LYPD6: variants seen among roughly 807,000 people sequenced by gnomAD.
LYPD6 encodes the protein LY6/PLAUR domain containing 6, also known as ly6/PLAUR domain-containing protein 6.
In LYPD6, 15 loss-of-function variants were observed where a neutral mutation model predicts 22.7. The ratio of observed to expected loss-of-function variants is 0.66; its 90% CI spans 0.44 to 1.02. The LOEUF is 1.02. LYPD6 is among the 50% of genes least tolerant of loss of function. LYPD6 has a pLI of 0.00. For synonymous variants in LYPD6, 72 were observed against 77.5 expected (o/e 0.93, Z 0.37); for missense variants, 189 against 208.4 (o/e 0.91, Z 0.57).
chr2:149,454,544 T>C (rs1295149784), intron 3 of LYPD6, among the ~76,000 whole-genome samples: 1 of 152,228 alleles, frequency 6.6e-6, no homozygotes, highest in Non-Finnish European at 1.5e-5. Flanking sequence ...CTTAATACTA[T>C]GAACATTCTT....
At chr2:149,435,640 A>G (rs996125508) in intron 1 of LYPD6, among the ~76,000 whole-genome samples, 2 of 152,208 alleles carry the variant, frequency 1.3e-5, no homozygotes, top group Admixed American at 1.3e-4. Flanking sequence ...CTGACTTGCA[A>G]GGGAAAGATA....
At chr2:149,481,978 G>T in the LYPD6 span, among the ~76,000 whole-genome samples, 19 of 152,304 alleles carry the variant, frequency 1.2e-4, no homozygotes, top group African/African-American at 4.3e-4. Context: ...GACCCTGGGA[G>T]CCTGGTTCCC....
At chr2:149,474,495 A>G (rs1256488446), downstream of LYPD6, among the ~76,000 whole-genome samples, 1 of 152,080 alleles carries the variant, frequency 6.6e-6, no homozygotes, top group East Asian at 1.9e-4. Flanking sequence ...GGTGTGAGCC[A>G]CTGCACCCAA....
At chr2:149,450,525 G>A (rs1683782465) in intron 3 of LYPD6, among the ~76,000 whole-genome samples, 1 of 152,174 alleles carries the variant, frequency 6.6e-6, no homozygotes, top group African/African-American at 2.4e-5. Context: ...AGGTAGAGAT[G>A]ATAATAGGGC....
intron 1 of LYPD6, among the ~76,000 whole-genome samples, chr2:149,359,120 A>C (rs1681521889): frequency 1.3e-5 from 2 of 152,194 alleles, no homozygotes; most frequent in South Asian, 4.1e-4. Flanking sequence ...ATTTTAAAGG[A>C]GTGTTTGGGA....
intron 1 of LYPD6, among the ~76,000 whole-genome samples, chr2:149,337,926 C>T (rs985939049): frequency 2.0e-5 from 3 of 152,138 alleles, no homozygotes; most frequent in Admixed American, 2.0e-4. Flanking sequence ...GGATAATGGC[C>T]TCCAGCTTCA....
intron 1 of LYPD6, among the ~76,000 whole-genome samples, chr2:149,366,627 T>C (rs1329145853): frequency 6.6e-6 from 1 of 152,166 alleles, no homozygotes; most frequent in East Asian, 1.9e-4. Flanking sequence ...GAGGAAGGTT[T>C]TCATTCATTT....
rs559514062 is a variant in LYPD6 at position 149,417,278 on chromosome 2, G to A, written c.-71-20360G>A. 7.9e-5 allele frequency among the ~76,000 whole-genome samples: 12 copies of A among 152,304 alleles called. No homozygotes were observed. In the East Asian group the frequency reaches 1.9e-3, roughly 24 times the overall value. ...TTTTATGATTCTCCCACTGGGGCTCGCCATAAGCTCTATACTGCCTTGTAT... is the reference window on the plus strand; with the variant it reads ...TTTTATGATTCTCCCACTGGGGCTCACCATAAGCTCTATACTGCCTTGTAT... On this transcript the variant is annotated intron_variant, in intron 1 of 4. Transcript: ENST00000334166.
At chr2:149,397,776 A>G (rs1573770644) in intron 1 of LYPD6, among the ~76,000 whole-genome samples, 1 of 152,212 alleles carries the variant, frequency 6.6e-6, no homozygotes, top group Admixed American at 6.5e-5. Context: ...GTGTGATGCC[A>G]GTCTAATGAC....
At chr2:149,429,834 C>T (rs1683273672) in intron 1 of LYPD6, among the ~76,000 whole-genome samples, 3 of 152,154 alleles carry the variant, frequency 2.0e-5, no homozygotes, top group African/African-American at 7.2e-5. Context: ...GTCTCAGTAG[C>T]TCCTTGTGGA....
chr2:149,395,987 A>G (rs945118159), intron 1 of LYPD6, among the ~76,000 whole-genome samples: 1 of 152,186 alleles, frequency 6.6e-6, no homozygotes, highest in African/African-American at 2.4e-5. Flanking sequence ...TTCATTTGAT[A>G]TAGTTTTGGG....
At chr2:149,428,473 C>G (rs1056930685) in intron 1 of LYPD6, among the ~76,000 whole-genome samples, 4 of 152,206 alleles carry the variant, frequency 2.6e-5, no homozygotes, top group African/African-American at 9.6e-5. Flanking sequence ...TTCTCTTCTT[C>G]CTCCTCCATG....
chr2:149,435,224 T>G (rs1683403831), intron 1 of LYPD6, among the ~76,000 whole-genome samples: 1 of 152,236 alleles, frequency 6.6e-6, no homozygotes, highest in Admixed American at 6.5e-5. Context: ...CTTCCAGAAC[T>G]GTGAGAAATC....
chr2:149,470,833 T>C lies in LYPD6; in HGVS notation c.499T>C (p.Leu167=). The C allele has an allele frequency of 1.2e-6, 2 of 1,613,054 alleles. No homozygotes were observed. The highest frequency in any genetic ancestry group is 1.7e-6 in the Non-Finnish European group (2 of 1,179,392). Reference sequence around the variant, plus strand: ...GATAGTGTCCTGCTTGTGGTTGTGGTTAGGGCTCATGTTATAGTGGCTCAG... The same window carrying C: ...GATAGTGTCCTGCTTGTGGTTGTGGCTAGGGCTCATGTTATAGTGGCTCAG... ...SVIVSCLWLW[L]GLML is the part of the protein sequence containing the mutation. The change falls in exon 5 of 5, where the codon TTA becomes CTA. Residue 167 remains leucine (L), a synonymous_variant. Coordinates refer to ENST00000334166, the MANE Select transcript of LYPD6 (RefSeq NM_194317.5).
At chr2:149,430,809 A>G (rs1048962804) in intron 1 of LYPD6, among the ~76,000 whole-genome samples, 1 of 152,230 alleles carries the variant, frequency 6.6e-6, no homozygotes, top group Non-Finnish European at 1.5e-5. Context: ...TTTAAGTGGA[A>G]GTATCTCATT....
chr2:149,330,493 G>C (rs1482894632), upstream of LYPD6: 1 of 149,188 alleles, frequency 6.7e-6, no homozygotes, highest in Non-Finnish European at 1.5e-5. Context: ...TCGAGGCCGG[G>C]CCGGCCGCGG....
chr2:149,341,833 C>T (rs750703243), intron 1 of LYPD6, among the ~76,000 whole-genome samples: 3 of 152,094 alleles, frequency 2.0e-5, no homozygotes, highest in Non-Finnish European at 2.9e-5. Flanking sequence ...ATCCCATTTG[C>T]GAGGGAGGAG....
At chr2:149,359,529 G>A (rs968805215) in intron 1 of LYPD6, among the ~76,000 whole-genome samples, 3 of 152,096 alleles carry the variant, frequency 2.0e-5, no homozygotes, top group African/African-American at 7.2e-5. Flanking sequence ...TGATTGTCTC[G>A]TATCCCAGCC....
At chr2:149,447,273 A>G (rs1390288961) in intron 2 of LYPD6, among the ~76,000 whole-genome samples, 2 of 152,210 alleles carry the variant, frequency 1.3e-5, no homozygotes, top group African/African-American at 4.8e-5. Flanking sequence ...TGCCCGCGAC[A>G]GCCTCCAGAG....
Sources: allele counts gnomAD v4.1 joint callset (sites outside exome capture counted in the v4.1 genomes callset), GRCh38; gene constraint gnomAD v4.1.1; transcripts MANE v1.5; gene names NCBI Gene and HGNC (gene_info 2026-07-23, HGNC 2026-07-21).